Variants in CCDC6 observed in about 807,000 individuals in gnomAD.
CCDC6 encodes the protein coiled-coil domain-containing protein 6.
In CCDC6, 20 loss-of-function variants were observed where a neutral mutation model predicts 56.6. The ratio of observed to expected loss-of-function variants is 0.35; its 90% confidence interval spans 0.25 to 0.51. CCDC6 has a LOEUF of 0.51. CCDC6 is among the 20% of genes least tolerant of loss of function. The pLI, the probability that CCDC6 is intolerant of heterozygous loss-of-function variation, is 0.95. For synonymous variants in CCDC6, 241 were observed against 234.4 expected (o/e 1.03, Z -0.26); for missense variants, 367 against 601.1 (o/e 0.61, Z 4.07).
intron 2 of CCDC6, among the ~76,000 whole-genome samples, chr10:59,845,790 G>A (rs2070986289): frequency 6.6e-6 from 1 of 152,064 alleles, no homozygotes; most frequent in Non-Finnish European, 1.5e-5. Context: ...AAGCCAGGAG[G>A]GCCACAGATC....
chr10:59,866,402 T>A (rs1167684363), intron 1 of CCDC6, among the ~76,000 whole-genome samples: 1 of 152,214 alleles, frequency 6.6e-6, no homozygotes, highest in African/African-American at 2.4e-5. Context: ...ACTCAAGGCC[T>A]AAGGTCTGGC....
chr10:59,851,130 T>TG (rs1564748560), intron 2 of CCDC6, among the ~76,000 whole-genome samples: 19 of 32,566 alleles, frequency 5.8e-4, no homozygotes, highest in East Asian at 2.3e-3. Flanking sequence ...CCATGTAAAT[T>TG]GAAAAAAAAA....
chr10:59,875,617 T>C (rs1004064527), intron 1 of CCDC6, among the ~76,000 whole-genome samples: 1 of 152,206 alleles, frequency 6.6e-6, no homozygotes, highest in Non-Finnish European at 1.5e-5. Context: ...TTGTACCTCC[T>C]AAGGAACCAA....
At chr10:59,850,667 C>T (rs2071031202) in intron 2 of CCDC6, among the ~76,000 whole-genome samples, 1 of 151,862 alleles carries the variant, frequency 6.6e-6, no homozygotes, top group Non-Finnish European at 1.5e-5. Context: ...CCACTATCCA[C>T]TGAAAAATTT....
At chr10:59,818,413 A>G (rs947780234) in intron 3 of CCDC6, among the ~76,000 whole-genome samples, 3 of 146,882 alleles carry the variant, frequency 2.0e-5, no homozygotes, top group Non-Finnish European at 4.5e-5. Context: ...TGCAGGCAAC[A>G]CAGGAAGCCC....
At chr10:59,804,097 T>TAAGGCTTTTTTGTCTACCC (rs1163914477) in intron 7 of CCDC6, among the ~76,000 whole-genome samples, 10 of 152,138 alleles carry the variant, frequency 6.6e-5, no homozygotes, top group African/African-American at 2.2e-4. Flanking sequence ...GAAATCTACC[T>TAAGGCTTTTTTGTCTACCC]AAGGCTTTTT....
At chr10:59,845,346 G>GTTTTTTTTT (rs151236986) in intron 2 of CCDC6, among the ~76,000 whole-genome samples, 6 of 96,952 alleles carry the variant, frequency 6.2e-5, no homozygotes, top group Admixed American at 2.5e-4. Flanking sequence ...GCCCCTATGG[G>GTTTTTTTTT]TTTTTTTTTT....
At chr10:59,874,732 AGAG>A (rs200559637) in intron 1 of CCDC6, among the ~76,000 whole-genome samples, 115,289 of 151,762 alleles carry the variant, frequency 0.76, 44,037 homozygotes, top group East Asian at 0.9. Flanking sequence ...AAATGGAGGC[AGAG>A]AAGAGATCAG....
intron 1 of CCDC6, among the ~76,000 whole-genome samples, chr10:59,885,094 G>A (rs1489999399): frequency 1.3e-5 from 2 of 150,366 alleles, no homozygotes; most frequent in Admixed American, 6.6e-5. Flanking sequence ...AGGAAAGAAA[G>A]GAAGGAAGGA....
At chr10:59,827,458 G>A (rs2070797728) in intron 3 of CCDC6, among the ~76,000 whole-genome samples, 1 of 152,132 alleles carries the variant, frequency 6.6e-6, no homozygotes, top group Non-Finnish European at 1.5e-5. Context: ...AGTACACATG[G>A]AGTGTGAGGA....
At chr10:59,844,122 G>A (rs1458159102) in intron 2 of CCDC6, among the ~76,000 whole-genome samples, 1 of 152,062 alleles carries the variant, frequency 6.6e-6, no homozygotes, top group Non-Finnish European at 1.5e-5. Flanking sequence ...TCTTCAGTGA[G>A]GTATGTCTGA....
intron 1 of CCDC6, among the ~76,000 whole-genome samples, chr10:59,858,876 C>G (rs1589051878): frequency 6.6e-6 from 1 of 152,146 alleles, no homozygotes; most frequent in East Asian, 1.9e-4. Flanking sequence ...GCAGACCACC[C>G]TTTAGAGGAG....
At position 59,862,501 on chromosome 10, in the gene CCDC6, G is replaced by GTATATATATATATATA. The variant is rs146237484; in HGVS notation, c.304-9815_304-9800dup. Among the ~76,000 whole-genome samples the GTATATATATATATATA allele has an allele frequency of 1.6e-3, 137 of 84,892 alleles. 5 individuals carry two copies. Among genetic ancestry groups the GTATATATATATATATA allele is most frequent in the Admixed American group, 2.1e-3 (17 of 7,970 alleles). 55.7% of individuals were successfully genotyped at this position (84,892 alleles called of 152,430 possible). A position where few individuals can be genotyped will look rare whatever the true frequency, so the allele number is the denominator to read the frequency against. On this transcript the variant is annotated intron_variant, in intron 1 of 8. Coordinates refer to ENST00000263102, the MANE Select transcript of CCDC6 (RefSeq NM_005436.5). Reference sequence around the variant, plus strand: ...AGGTTCTGTCTCAAGAAAAAAAAAAGTATATATATATATATACACACACAC... The same window carrying GTATATATATATATATA: ...AGGTTCTGTCTCAAGAAAAAAAAAAGTATATATATATATATATATATATATATATATACACACACAC...
At chr10:59,872,995 A>G (rs1340938042) in intron 1 of CCDC6, among the ~76,000 whole-genome samples, 8 of 152,216 alleles carry the variant, frequency 5.3e-5, no homozygotes, top group Non-Finnish European at 2.9e-5. Flanking sequence ...ACTTGGTGGC[A>G]AGCCTGATCT....
intron 1 of CCDC6, among the ~76,000 whole-genome samples, chr10:59,893,916 C>T (rs2071442975): frequency 6.6e-6 from 1 of 152,156 alleles, no homozygotes; most frequent in Admixed American, 6.5e-5. Context: ...CTGCTGCTTA[C>T]TGCGATCTTC....
chr10:59,859,171 T>G (rs2071103341), intron 1 of CCDC6, among the ~76,000 whole-genome samples: 1 of 149,802 alleles, frequency 6.7e-6, no homozygotes, highest in Non-Finnish European at 1.5e-5. Context: ...ACAAGGAAGG[T>G]TTCTGGAAAA....
chr10:59,903,394 G>A (rs1035138650), intron 1 of CCDC6, among the ~76,000 whole-genome samples: 1 of 152,132 alleles, frequency 6.6e-6, no homozygotes, highest in Admixed American at 6.5e-5. Flanking sequence ...TGAAGGCAGG[G>A]GTTACGTGGG....
intron 3 of CCDC6, among the ~76,000 whole-genome samples, chr10:59,828,981 A>G (rs1378074444): frequency 6.6e-6 from 1 of 152,240 alleles, no homozygotes; most frequent in Non-Finnish European, 1.5e-5. Flanking sequence ...TTTATAGCCC[A>G]TAGACCTTCA....
intron 7 of CCDC6, among the ~76,000 whole-genome samples, chr10:59,802,084 C>T (rs1397776278): frequency 1.3e-5 from 2 of 152,262 alleles, no homozygotes; most frequent in Admixed American, 1.3e-4. Flanking sequence ...CACATCAAAA[C>T]AGGCTAACTG....
Sources: gnomAD v4.1 joint callset for allele counts (sites outside exome capture counted in the v4.1 genomes callset) on GRCh38, gnomAD v4.1.1 for gene constraint, MANE v1.5 for transcripts, NCBI Gene and HGNC (gene_info 2026-07-23, HGNC 2026-07-21) for gene names.